RAPGEF4: variants seen among roughly 807,000 people sequenced by gnomAD.
The protein encoded by RAPGEF4 is Rap guanine nucleotide exchange factor 4.
RAPGEF4 carries 66 observed loss-of-function variants against 147.9 expected under a neutral mutation model. The ratio of observed to expected loss-of-function variants is 0.45; its 90% CI spans 0.37 to 0.55. The LOEUF (loss-of-function observed/expected upper bound fraction) is 0.55, where lower values mean the gene tolerates loss of function less well. Among genes scored for constraint, RAPGEF4 ranks in the 20% least tolerant of loss-of-function variants. The pLI, the probability that RAPGEF4 is intolerant of heterozygous loss-of-function variation, is 0.00. For synonymous variants in RAPGEF4, 419 were observed against 442.7 expected (o/e 0.95, Z 0.67); for missense variants, 1,071 against 1,257.3 (o/e 0.85, Z 2.24).
intron 8 of RAPGEF4, chr2:172,965,162 G>C (rs547183728): frequency 5.2e-6 from 1 of 191,034 alleles, no homozygotes; most frequent in Non-Finnish European, 1.1e-5. Flanking sequence ...CATTCGGCAC[G>C]AGACTCAGGT....
At chr2:172,977,463 G>T (rs1328362291) in intron 10 of RAPGEF4, among the ~76,000 whole-genome samples, 1 of 152,104 alleles carries the variant, frequency 6.6e-6, no homozygotes, top group Non-Finnish European at 1.5e-5. Flanking sequence ...GAGAACCTTT[G>T]TCTGATGTGA....
chr2:172,780,844 A>T (rs903023285), intron 1 of RAPGEF4, among the ~76,000 whole-genome samples: 3 of 152,210 alleles, frequency 2.0e-5, no homozygotes, highest in Non-Finnish European at 4.4e-5. Context: ...AACTGCAATT[A>T]TTGTATTAAA....
intron 1 of RAPGEF4, among the ~76,000 whole-genome samples, chr2:172,781,149 T>A (rs1454887673): frequency 1.3e-5 from 2 of 152,198 alleles, no homozygotes; most frequent in Non-Finnish European, 2.9e-5. Flanking sequence ...TTGTTATTGA[T>A]GGTAAGGCAG....
intron 17 of RAPGEF4, among the ~76,000 whole-genome samples, chr2:173,002,943 T>C (rs1017481577): frequency 7.2e-5 from 11 of 152,200 alleles, no homozygotes; most frequent in African/African-American, 2.7e-4. Flanking sequence ...CTCTTTTAAC[T>C]CCATACGCAC....
At chr2:172,797,670 C>A in intron 3 of RAPGEF4, 57 bp downstream of exon 3, 1 of 1,310,792 alleles carries the variant, frequency 7.6e-7, no homozygotes, top group Non-Finnish European at 1.1e-6. Context: ...ACTTATTATC[C>A]CTATGTCTTT....
At chr2:172,927,907 C>A (rs192521305) in intron 6 of RAPGEF4, among the ~76,000 whole-genome samples, 2 of 152,268 alleles carry the variant, frequency 1.3e-5, no homozygotes, top group African/African-American at 2.4e-5. Flanking sequence ...GTGTAACTGG[C>A]CAGGGTACAA....
chr2:173,039,714 G>C (rs1412952151), intron 29 of RAPGEF4, among the ~76,000 whole-genome samples: 2 of 152,114 alleles, frequency 1.3e-5, no homozygotes, highest in African/African-American at 4.8e-5. Context: ...ATGAAAGGAA[G>C]GCTAAAACAT....
intron 4 of RAPGEF4, among the ~76,000 whole-genome samples, chr2:172,884,519 T>G (rs1468570640): frequency 2.0e-5 from 3 of 152,232 alleles, no homozygotes; most frequent in Non-Finnish European, 4.4e-5. Context: ...GTCAGCATAG[T>G]GCGTGCTTGA....
chr2:172,941,384 A>G (rs531081098), intron 6 of RAPGEF4, among the ~76,000 whole-genome samples: 2 of 152,248 alleles, frequency 1.3e-5, no homozygotes, highest in Middle Eastern at 3.4e-3. Context: ...ATTTATTTTA[A>G]CCATTTGTAT....
rs766695963 is a variant in RAPGEF4 at position 172,822,013 on chromosome 2, G to C, written c.444+7588G>C. ...TCTTTTTATTTTTTAGTGAAGGGTG[G>C]GAGAGTGGGGAAATACTACATGTTA... On this transcript the variant is annotated intron_variant, in intron 4 of 30. Transcript: ENST00000397081. 1.5e-5 allele frequency: 24 copies of C among 1,604,546 alleles called. No individual in the cohort carries two copies. The African/African-American group carries it at 2.8e-4, about 19-fold the overall frequency.
chr2:172,831,330 G>A (rs546508201), intron 4 of RAPGEF4, among the ~76,000 whole-genome samples: 32 of 127,690 alleles, frequency 2.5e-4, no homozygotes, highest in African/African-American at 6.9e-4. Context: ...GTGCAGTGGC[G>A]CAATCTTGGC....
chr2:172,887,359 TA>T (rs141656089), intron 4 of RAPGEF4, among the ~76,000 whole-genome samples: 4 of 152,120 alleles, frequency 2.6e-5, no homozygotes, highest in Admixed American at 2.0e-4. Context: ...CTCATTTACT[TA>T]AAAAAAATTT....
chr2:172,975,145 G>A (rs530207755), intron 10 of RAPGEF4, among the ~76,000 whole-genome samples: 3 of 152,082 alleles, frequency 2.0e-5, no homozygotes, highest in African/African-American at 4.8e-5. Context: ...TGCCAAATCC[G>A]GCACCCAACT....
chr2:173,018,682 C>T lies in RAPGEF4; in HGVS notation c.2035C>T (p.His679Tyr), dbSNP rs1265632565. Residue 679 changes from histidine to tyrosine, a missense_variant, in exon 22 of 31, where the codon CAC (histidine) becomes TAC (tyrosine). Transcript: ENST00000397081. Reference protein sequence around the residue: ...EVLFKVYCMDHTYTTIRVPVA... With the variant: ...EVLFKVYCMDYTYTTIRVPVA... ...TCTGTTTAAGGTCTATTGCATGGAC[C>T]ACACCTACACAACCATTCGGGTGCC... 1.1e-5 allele frequency: 17 copies of T among 1,613,882 alleles called. No individual in the cohort carries two copies. Among genetic ancestry groups the T allele is most frequent in the Non-Finnish European group, 1.4e-5 (17 of 1,180,002 alleles).
chr2:172,914,074 C>T (rs965776579), intron 4 of RAPGEF4, among the ~76,000 whole-genome samples: 2 of 152,102 alleles, frequency 1.3e-5, no homozygotes, highest in Non-Finnish European at 2.9e-5. Context: ...AGTAGTGCCG[C>T]TTCATTCTTT....
chr2:172,966,573 G>C (rs1689863867), intron 9 of RAPGEF4, among the ~76,000 whole-genome samples: 1 of 152,150 alleles, frequency 6.6e-6, no homozygotes, highest in Non-Finnish European at 1.5e-5. Flanking sequence ...GGGGCTCAAG[G>C]CTGTAAGACA....
At chr2:172,865,876 A>G (rs968190830) in intron 4 of RAPGEF4, among the ~76,000 whole-genome samples, 1 of 152,154 alleles carries the variant, frequency 6.6e-6, no homozygotes, top group African/African-American at 2.4e-5. Context: ...GTGTGTATAC[A>G]TATACACATA....
chr2:172,925,066 C>T (rs553450928), intron 6 of RAPGEF4, among the ~76,000 whole-genome samples: 25 of 152,308 alleles, frequency 1.6e-4, no homozygotes, highest in Admixed American at 1.2e-3. Flanking sequence ...CTGCAAGCTC[C>T]GCCTCCCGGC....
Position 173,020,668 on chromosome 2 carries a change from A to G in RAPGEF4, c.2206A>G (p.Ile736Val). The change falls in exon 23 of 31, where the codon ATT becomes GTT. Residue 736 changes from isoleucine to valine, a missense_variant. Ile to Val is a conservative substitution (Grantham distance 29, BLOSUM62 3). Transcript: ENST00000397081. The part of the protein sequence containing the change: ...NDVSVFTTLT[I>V]NGRLFACPRE... ...TGTTTCAGTATTTACGACGCTCACC[A>G]TTAATGGACGCCTGTTTGCTTGCCC... 6.2e-7 allele frequency: 1 copy of G among 1,614,056 alleles called. No homozygotes were observed. The highest frequency in any genetic ancestry group is 8.5e-7 in the Non-Finnish European group (1 of 1,179,992).
Sources: gnomAD v4.1 joint callset for allele counts (sites outside exome capture counted in the v4.1 genomes callset) on GRCh38, gnomAD v4.1.1 for gene constraint, MANE v1.5 for transcripts, NCBI Gene and HGNC (gene_info 2026-07-23, HGNC 2026-07-21) for gene names.